The following FOXP1 variants were observed in gnomAD, a reference collection of about 807,000 sequenced individuals.
The protein encoded by FOXP1 is forkhead box P1.
A neutral mutation model predicts 98.2 loss-of-function variants in FOXP1; 15 were observed. The observed-to-expected ratio is 0.15, with a 90% confidence interval of 0.10 to 0.24. The LOEUF is 0.24. FOXP1 is among the 10% of genes least tolerant of loss of function. The pLI is 1.00. For synonymous variants in FOXP1, 371 were observed against 314.5 expected (o/e 1.18, Z -1.90); for missense variants, 633 against 848.5 (o/e 0.75, Z 3.15).
intron 2 of FOXP1, among the ~76,000 whole-genome samples, chr3:71,509,651 A>G (rs2042057722): frequency 6.6e-6 from 1 of 152,144 alleles, no homozygotes; most frequent in South Asian, 2.1e-4. Context: ...GGAGGCTCAG[A>G]TGGGAGAATT....
At chr3:71,559,488 A>C (rs1162749421) in intron 2 of FOXP1, among the ~76,000 whole-genome samples, 1 of 152,176 alleles carries the variant, frequency 6.6e-6, no homozygotes, top group Non-Finnish European at 1.5e-5. Flanking sequence ...CAGGGTAGGC[A>C]ATAAAGCAAG....
intron 17 of FOXP1, among the ~76,000 whole-genome samples, chr3:70,973,361 C>A (rs142379465): frequency 4.0e-5 from 6 of 150,650 alleles, no homozygotes; most frequent in African/African-American, 7.3e-5. Context: ...GCCAAAGGAA[C>A]ACGAGTGGAA....
chr3:71,120,752 C>T (rs576839034), intron 6 of FOXP1, among the ~76,000 whole-genome samples: 13 of 152,260 alleles, frequency 8.5e-5, no homozygotes, highest in Non-Finnish European at 1.9e-4. Flanking sequence ...GTACTTGGAC[C>T]ACTTTATCAC....
At chr3:71,177,641 T>G (rs958561462) in intron 6 of FOXP1, among the ~76,000 whole-genome samples, 5 of 152,096 alleles carry the variant, frequency 3.3e-5, no homozygotes, top group Non-Finnish European at 7.4e-5. Context: ...CTAATTAAGT[T>G]TCTTCCTGTG....
At chr3:71,126,587 G>T (rs2059195862) in intron 6 of FOXP1, among the ~76,000 whole-genome samples, 1 of 152,024 alleles carries the variant, frequency 6.6e-6, no homozygotes, top group African/African-American at 2.4e-5. Context: ...ACTTTGGGAG[G>T]CCGAGGCAGG....
chr3:71,160,482 T>G (rs1019011899), intron 6 of FOXP1, among the ~76,000 whole-genome samples: 4 of 152,204 alleles, frequency 2.6e-5, no homozygotes, highest in African/African-American at 9.7e-5. Flanking sequence ...GAAAATCAAG[T>G]GATAAACCAC....
intron 3 of FOXP1, among the ~76,000 whole-genome samples, chr3:71,415,482 C>T (rs1488953735): frequency 6.6e-6 from 1 of 152,134 alleles, no homozygotes; most frequent in African/African-American, 2.4e-5. Flanking sequence ...CAAACAAAAT[C>T]TAGACTATCT....
chr3:71,015,308 G>A (rs1261258585), intron 12 of FOXP1, among the ~76,000 whole-genome samples: 1 of 151,974 alleles, frequency 6.6e-6, no homozygotes, highest in East Asian at 1.9e-4. Flanking sequence ...TGAAAAATGG[G>A]TAAATATGGG....
intron 3 of FOXP1, among the ~76,000 whole-genome samples, chr3:71,381,302 C>A (rs925476922): frequency 2.0e-5 from 3 of 152,198 alleles, no homozygotes; most frequent in Admixed American, 2.0e-4. Flanking sequence ...AGGCGCCTGC[C>A]ACCGCGCCCG....
At chr3:71,372,198 T>C (rs1312987828) in intron 3 of FOXP1, among the ~76,000 whole-genome samples, 1 of 148,704 alleles carries the variant, frequency 6.7e-6, no homozygotes, top group African/African-American at 2.5e-5. Flanking sequence ...TTTTTTGTAC[T>C]TTTAGTAGAG....
intron 5 of FOXP1, among the ~76,000 whole-genome samples, chr3:71,228,366 T>C (rs369413670): frequency 1.2e-4 from 19 of 152,074 alleles, no homozygotes; most frequent in African/African-American, 4.6e-4. Flanking sequence ...TACTCAGGTG[T>C]ACTCTAAATG....
chr3:71,541,463 G>C (rs142021427), intron 2 of FOXP1, among the ~76,000 whole-genome samples: 1 of 152,210 alleles, frequency 6.6e-6, no homozygotes, highest in African/African-American at 2.4e-5. Flanking sequence ...TAGATGTCTA[G>C]ATATGCTGGA....
At position 71,403,308 on chromosome 3, in the gene FOXP1, C is replaced by T. The variant is rs143614450; in HGVS notation, c.-167-44064G>A. 9.8e-5 allele frequency among the ~76,000 whole-genome samples: 15 copies of T among 152,302 alleles called. No homozygotes were observed. In the East Asian group the frequency reaches 2.9e-3, roughly 29 times the overall value. On this transcript the variant is annotated intron_variant, in intron 3 of 20. Transcript: ENST00000649528. ...TATGGAACCCTGATTTAACAAAAAGCTCGCCTGGATCTCTGAGCTGGAGAT... is the reference window on the plus strand; with the variant it reads ...TATGGAACCCTGATTTAACAAAAAGTTCGCCTGGATCTCTGAGCTGGAGAT...
intron 2 of FOXP1, among the ~76,000 whole-genome samples, chr3:71,528,521 G>C (rs2043578296): frequency 6.6e-6 from 1 of 152,168 alleles, no homozygotes; most frequent in Admixed American, 6.5e-5. Flanking sequence ...CTTACTCACA[G>C]TATCAAAGGA....
intron 7 of FOXP1, among the ~76,000 whole-genome samples, chr3:71,069,956 T>G (rs762409350): frequency 4.6e-5 from 7 of 152,074 alleles, no homozygotes; most frequent in Non-Finnish European, 1.0e-4. Context: ...CTCAGAACAA[T>G]GCTCACACAT....
At chr3:70,979,857 C>T (rs993762934) in intron 14 of FOXP1, among the ~76,000 whole-genome samples, 1 of 150,086 alleles carries the variant, frequency 6.7e-6, no homozygotes, top group Non-Finnish European at 1.5e-5. Context: ...AAGCAATGAA[C>T]CTGAAGAAAA....
chr3:71,482,035 A>G (rs1406214719), intron 3 of FOXP1, among the ~76,000 whole-genome samples: 1 of 152,166 alleles, frequency 6.6e-6, no homozygotes, highest in Middle Eastern at 3.2e-3. Flanking sequence ...TTCTCTCCAG[A>G]GTGTTCACAT....
At chr3:71,341,567 G>A (rs547415040) in intron 4 of FOXP1, among the ~76,000 whole-genome samples, 16 of 152,088 alleles carry the variant, frequency 1.1e-4, no homozygotes, top group Non-Finnish European at 2.2e-4. Flanking sequence ...TCAGGAGTTC[G>A]ACCAGCCTGT....
intron 3 of FOXP1, among the ~76,000 whole-genome samples, chr3:71,466,698 G>GT (rs1270467029): frequency 2.6e-5 from 4 of 152,276 alleles, no homozygotes; most frequent in African/African-American, 9.6e-5. Context: ...GTGCAGGGAC[G>GT]TGAGCCCCAC....
Sources: gnomAD v4.1 joint callset for allele counts (sites outside exome capture counted in the v4.1 genomes callset) on GRCh38, gnomAD v4.1.1 for gene constraint, MANE v1.5 for transcripts, NCBI Gene and HGNC (gene_info 2026-07-23, HGNC 2026-07-21) for gene names.